PLA2G4A: variants seen among roughly 807,000 people sequenced by gnomAD.
PLA2G4A encodes the protein phospholipase A2 group IVA, also known as cytosolic phospholipase A2.
A neutral mutation model predicts 81.9 loss-of-function variants in PLA2G4A; 40 were observed. The ratio of observed to expected loss-of-function variants is 0.49; its 90% CI spans 0.38 to 0.64. The LOEUF (loss-of-function observed/expected upper bound fraction) is 0.64, where lower values mean the gene tolerates loss of function less well. Among genes scored for constraint, PLA2G4A ranks in the 30% least tolerant of loss-of-function variants. The pLI, the probability that PLA2G4A is intolerant of heterozygous loss-of-function variation, is 0.00. For missense variants in PLA2G4A, 715 were observed against 905.1 expected, an observed-to-expected ratio of 0.79 and a Z score of 2.69; for synonymous variants, 302 against 296.9, an observed-to-expected ratio of 1.02 and a Z score of -0.18.
chr1:186,837,736 C>CCAAAAAAAA (rs1553267317), intron 1 of PLA2G4A, among the ~76,000 whole-genome samples: 3 of 55,232 alleles, frequency 5.4e-5, no homozygotes. Context: ...GACTCCGTCT[C>CCAAAAAAAA]AAAAAAAAAA....
At chr1:186,930,896 G>C (rs905048422) in intron 7 of PLA2G4A, among the ~76,000 whole-genome samples, 1 of 152,110 alleles carries the variant, frequency 6.6e-6, no homozygotes, top group Admixed American at 6.5e-5. Flanking sequence ...CTTAGGCCCA[G>C]AACTGAGCAC....
chr1:186,912,771 T>TATGTATGA (rs1655002658), intron 7 of PLA2G4A, among the ~76,000 whole-genome samples: 1 of 138,192 alleles, frequency 7.2e-6, no homozygotes, highest in African/African-American at 2.9e-5. Flanking sequence ...CATAAGTATA[T>TATGTATGA]ATATATGTAT....
At chr1:186,925,075 C>G (rs1456505036) in intron 7 of PLA2G4A, among the ~76,000 whole-genome samples, 1 of 151,950 alleles carries the variant, frequency 6.6e-6, no homozygotes, top group Non-Finnish European at 1.5e-5. Flanking sequence ...AGAAATTTCT[C>G]TCTAGCCTAT....
chr1:186,906,319 C>CA (rs781742288), intron 5 of PLA2G4A, among the ~76,000 whole-genome samples: 2 of 152,138 alleles, frequency 1.3e-5, no homozygotes, highest in African/African-American at 2.4e-5. Context: ...TTCCTTTACA[C>CA]AAAAATTGTC....
intron 9 of PLA2G4A, among the ~76,000 whole-genome samples, chr1:186,939,500 A>G (rs953964661): frequency 6.3e-5 from 5 of 79,728 alleles, no homozygotes; most frequent in South Asian, 3.9e-4. Context: ...TGGAAAAAAA[A>G]AAAAAAAAAA....
At chr1:186,956,777 G>T (rs1159505496) in intron 14 of PLA2G4A, among the ~76,000 whole-genome samples, 1 of 152,098 alleles carries the variant, frequency 6.6e-6, no homozygotes, top group African/African-American at 2.4e-5. Context: ...GCCTCCCAAA[G>T]TGCTGGGACT....
chr1:186,958,229 A>AG (rs1656824857), intron 14 of PLA2G4A, among the ~76,000 whole-genome samples: 1 of 152,210 alleles, frequency 6.6e-6, no homozygotes, highest in African/African-American at 2.4e-5. Flanking sequence ...TCCCAACAGG[A>AG]TTCACTATGT....
intron 14 of PLA2G4A, among the ~76,000 whole-genome samples, chr1:186,961,470 T>C (rs920070631): frequency 1.3e-5 from 2 of 148,450 alleles, no homozygotes; most frequent in Non-Finnish European, 3.0e-5. Flanking sequence ...GCAATTATTA[T>C]TTGTCTACAA....
intron 13 of PLA2G4A, among the ~76,000 whole-genome samples, chr1:186,952,614 T>G (rs531408692): frequency 6.6e-6 from 1 of 152,306 alleles, no homozygotes; most frequent in East Asian, 1.9e-4. Flanking sequence ...TTAGTGTATA[T>G]TCTATGGGTT....
At chr1:186,920,717 C>G (rs577529171) in intron 7 of PLA2G4A, among the ~76,000 whole-genome samples, 59 of 152,284 alleles carry the variant, frequency 3.9e-4, no homozygotes, top group Admixed American at 1.4e-3. Flanking sequence ...TTCCCAGAAC[C>G]CCCCTTTTCC....
chr1:186,982,725 TCA>T (rs1269226353), intron 17 of PLA2G4A, among the ~76,000 whole-genome samples: 1 of 152,152 alleles, frequency 6.6e-6, no homozygotes, highest in Non-Finnish European at 1.5e-5. Flanking sequence ...GATAAAATTT[TCA>T]GTTTTCACTG....
chr1:186,908,968 C>CTTTTTTTTTTTTTTTT (rs1201226836), intron 6 of PLA2G4A, among the ~76,000 whole-genome samples: 1 of 75,090 alleles, frequency 1.3e-5, no homozygotes, highest in Non-Finnish European at 2.4e-5. Context: ...CTTTTCTTTT[C>CTTTTTTTTTTTTTTTT]TTTTTTTTTT....
chr1:186,893,103 G>T lies in PLA2G4A; in HGVS notation c.208G>T (p.Val70Leu). The T allele has an allele frequency of 6.2e-7, 1 of 1,611,856 alleles. No homozygotes were observed. Among genetic ancestry groups the T allele is most frequent in the Non-Finnish European group, 8.5e-7 (1 of 1,177,972 alleles). Residue 70 changes from valine to leucine, a missense_variant, in exon 4 of 18, where the codon GTG (valine) becomes TTG (leucine). Coordinates refer to ENST00000367466, the MANE Select transcript of PLA2G4A (RefSeq NM_024420.3). ...TRHFNNDINP[V>L]WNETFEFILD... The stretch of plus-strand genomic sequence containing the variant: ...ACATTTCAATAATGACATAAACCCT[G>T]TGTGGAATGAGACCTTTGAATTTAT...
At chr1:186,985,625 G>A (rs1474010979) in intron 17 of PLA2G4A, among the ~76,000 whole-genome samples, 1 of 152,116 alleles carries the variant, frequency 6.6e-6, no homozygotes, top group African/African-American at 2.4e-5. Flanking sequence ...TATGTGGAAG[G>A]GGGATCACAT....
chr1:186,976,987 C>T (rs1657557261), intron 15 of PLA2G4A, among the ~76,000 whole-genome samples: 1 of 152,150 alleles, frequency 6.6e-6, no homozygotes, highest in African/African-American at 2.4e-5. Context: ...TACAATTTGC[C>T]ACGACCATTA....
chr1:186,884,907 A>T (rs1343209580), intron 3 of PLA2G4A, among the ~76,000 whole-genome samples: 3 of 151,354 alleles, frequency 2.0e-5, no homozygotes, highest in African/African-American at 7.3e-5. Context: ...AAAAAAAAAA[A>T]AGAAGGAATA....
At chr1:186,879,108 G>T (rs114457224) in intron 3 of PLA2G4A, among the ~76,000 whole-genome samples, 2,785 of 151,616 alleles carry the variant, frequency 0.018, 102 homozygotes, top group African/African-American at 0.065. Context: ...GTGGTCTGAG[G>T]GTCTCTGTAA....
In PLA2G4A at chr1:186,912,798, A is replaced by G. The variant is rs112036665; in HGVS notation, c.558+1409A>G. 9.3e-3 allele frequency among the ~76,000 whole-genome samples: 1,254 copies of G among 134,542 alleles called. 21 individuals are homozygous for G. The highest frequency in any genetic ancestry group is 0.032 in the African/African-American group (1,100 of 34,150). 88.3% of individuals were successfully genotyped at this position (134,542 alleles called of 152,430 possible). On this transcript the variant is annotated intron_variant, in intron 7 of 17. Transcript: ENST00000367466. ...TATATGTATACTTATATATATATGT[A>G]TATATATATATACATATATATGTAT...
intron 14 of PLA2G4A, among the ~76,000 whole-genome samples, chr1:186,957,618 C>G (rs1571442373): frequency 6.6e-6 from 1 of 152,288 alleles, no homozygotes; most frequent in East Asian, 1.9e-4. Context: ...AGTAAGCCAG[C>G]CTGTAGTGTT....
Sources: gnomAD v4.1 joint callset for allele counts (sites outside exome capture counted in the v4.1 genomes callset) on GRCh38, gnomAD v4.1.1 for gene constraint, MANE v1.5 for transcripts, NCBI Gene and HGNC (gene_info 2026-07-23, HGNC 2026-07-21) for gene names.